Variants in SHANK2 observed in about 807,000 individuals in gnomAD.
SHANK2 encodes SH3 and multiple ankyrin repeat domains 2, also known as SH3 and multiple ankyrin repeat domains protein 2.
Under a neutral mutation model 133.7 loss-of-function variants are expected in SHANK2, and 43 were observed. The observed-to-expected ratio is 0.32, with a 90% CI of 0.25 to 0.41. The LOEUF is 0.41. SHANK2 is among the 10% of genes least tolerant of loss of function. The pLI is 1.00. For missense variants in SHANK2, 1,994 were observed against 2,235.8 expected, an observed-to-expected ratio of 0.89 and a Z score of 2.18; for synonymous variants, 1,017 against 952.8, an observed-to-expected ratio of 1.07 and a Z score of -1.24.
intron 14 of SHANK2, among the ~76,000 whole-genome samples, chr11:70,747,327 G>A (rs1946661666): frequency 6.6e-6 from 1 of 152,122 alleles, no homozygotes; most frequent in Non-Finnish European, 1.5e-5. Flanking sequence ...GCAGGGATGG[G>A]AGGGACCCGG....
chr11:70,586,498 C>T (rs1554986766), intron 17 of SHANK2, among the ~76,000 whole-genome samples: 1 of 152,132 alleles, frequency 6.6e-6, no homozygotes, highest in African/African-American at 2.4e-5. Flanking sequence ...GCTTGTCACT[C>T]AGAGCTGGGC....
chr11:70,531,001 A>C (rs562374934), intron 17 of SHANK2, among the ~76,000 whole-genome samples: 22 of 151,870 alleles, frequency 1.4e-4, no homozygotes, highest in Non-Finnish European at 2.9e-4. Flanking sequence ...CCCCATCTCT[A>C]CTAAAAATAC....
rs1051160312 is a variant in SHANK2, at chr11:71,109,563, C to T, written c.592+378G>A. On this transcript the variant is annotated intron_variant, in intron 6 of 25. Coordinates refer to ENST00000601538, the MANE Select transcript of SHANK2 (RefSeq NM_012309.5). ...GCAGATGCCCATCTGCTGGGCTGCC[C>T]GTGCCCAGCGGGAGGCAGAAACACA... 4.1e-4 allele frequency among the ~76,000 whole-genome samples: 62 copies of T among 152,318 alleles called. 1 individual carries two copies. The highest frequency in any genetic ancestry group is 1.5e-3 in the African/African-American group (61 of 41,584).
At chr11:71,071,080 A>C (rs928731857) in intron 9 of SHANK2, among the ~76,000 whole-genome samples, 1 of 152,222 alleles carries the variant, frequency 6.6e-6, no homozygotes, top group South Asian at 2.1e-4. Context: ...GTGACAAAAA[A>C]CAGACTTTTC....
At chr11:71,192,519 AG>A (rs1292925815) in intron 2 of SHANK2, among the ~76,000 whole-genome samples, 2 of 152,196 alleles carry the variant, frequency 1.3e-5, no homozygotes, top group Non-Finnish European at 2.9e-5. Flanking sequence ...TGACATTGGA[AG>A]GTCCCAGGCT....
At chr11:70,871,796 T>A (rs983904975) in intron 11 of SHANK2, among the ~76,000 whole-genome samples, 1 of 152,132 alleles carries the variant, frequency 6.6e-6, no homozygotes, top group Non-Finnish European at 1.5e-5. Flanking sequence ...ACAGTCCCCA[T>A]CTGAATTTGA....
chr11:70,802,899 G>A (rs1050987595), intron 13 of SHANK2, among the ~76,000 whole-genome samples: 25 of 152,188 alleles, frequency 1.6e-4, no homozygotes, highest in Non-Finnish European at 7.3e-5. Flanking sequence ...CCATGGCCAC[G>A]AACCCTCAGG....
intron 6 of SHANK2, 38 bp from the exon 7 acceptor site, chr11:71,094,726 T>C: frequency 6.5e-7 from 1 of 1,538,970 alleles, no homozygotes; most frequent in South Asian, 1.2e-5. Context: ...GAACCAACAT[T>C]TGTCACACTG....
In SHANK2 at chr11:70,776,043, A is replaced by T. The variant is rs143039406; in HGVS notation, c.1777+22400T>A. Among the ~76,000 whole-genome samples the T allele has an allele frequency of 5.9e-5, 9 of 152,386 alleles. No individual in the cohort carries two copies. In the East Asian group the frequency reaches 1.7e-3, roughly 29 times the overall value. On this transcript the variant is annotated intron_variant, in intron 14 of 25. Coordinates refer to ENST00000601538, the MANE Select transcript of SHANK2 (RefSeq NM_012309.5). The stretch of plus-strand genomic sequence containing the variant: ...TTGCCCCAGCTAGAAGGGGGCTCCC[A>T]GCCCTGGCTGACCAGACCCAGACTT...
chr11:70,715,838 G>C (rs1475596205), intron 14 of SHANK2, among the ~76,000 whole-genome samples: 1 of 152,174 alleles, frequency 6.6e-6, no homozygotes, highest in Non-Finnish European at 1.5e-5. Flanking sequence ...CCCTGGACCC[G>C]GCAGCCCAGG....
chr11:70,676,109 G>A (rs1462309523), intron 15 of SHANK2, among the ~76,000 whole-genome samples: 1 of 152,216 alleles, frequency 6.6e-6, no homozygotes, highest in African/African-American at 2.4e-5. Context: ...ACTTCCAAGA[G>A]GACCTTAATG....
chr11:70,760,002 A>G (rs1167238958), intron 14 of SHANK2, among the ~76,000 whole-genome samples: 1 of 152,244 alleles, frequency 6.6e-6, no homozygotes, highest in Non-Finnish European at 1.5e-5. Context: ...TCCAGCCTCC[A>G]GAACTATGAG....
intron 5 of SHANK2, among the ~76,000 whole-genome samples, chr11:71,110,730 A>G (rs1951879851): frequency 6.6e-6 from 1 of 152,192 alleles, no homozygotes; most frequent in South Asian, 2.1e-4. Flanking sequence ...CAGGGTGAGC[A>G]CAGTGTCTGG....
intron 6 of SHANK2, among the ~76,000 whole-genome samples, chr11:71,095,395 T>A (rs1951592198): frequency 6.6e-6 from 1 of 152,200 alleles, no homozygotes; most frequent in Admixed American, 6.5e-5. Flanking sequence ...CCACTCTTCA[T>A]CTTTCTAATA....
At chr11:70,759,801 T>C (rs1453250713) in intron 14 of SHANK2, among the ~76,000 whole-genome samples, 1 of 152,208 alleles carries the variant, frequency 6.6e-6, no homozygotes, top group African/African-American at 2.4e-5. Flanking sequence ...ATTAAAACCA[T>C]TGCAGCTCCA....
chr11:71,068,934 T>C (rs1951104867), intron 9 of SHANK2, among the ~76,000 whole-genome samples: 1 of 147,580 alleles, frequency 6.8e-6, no homozygotes, highest in Non-Finnish European at 1.5e-5. Flanking sequence ...ATCATCACCA[T>C]CACCATGGCC....
At chr11:70,933,000 A>G (rs543221396) in intron 10 of SHANK2, among the ~76,000 whole-genome samples, 1 of 152,294 alleles carries the variant, frequency 6.6e-6, no homozygotes, top group South Asian at 2.1e-4. Context: ...TGACCCAGTA[A>G]TTTCACTTCT....
chr11:70,546,417 C>A (rs1202331078), intron 17 of SHANK2, among the ~76,000 whole-genome samples: 6 of 152,142 alleles, frequency 3.9e-5, no homozygotes, highest in Admixed American at 3.9e-4. Flanking sequence ...CCCTAAGTAT[C>A]ATCTCATTAA....
intron 14 of SHANK2, among the ~76,000 whole-genome samples, chr11:70,764,100 A>ATCCATCCATCCATCCC (rs1457160322): frequency 9.8e-6 from 1 of 102,384 alleles, no homozygotes; most frequent in Non-Finnish European, 2.0e-5. Flanking sequence ...CCATCCATCC[A>ATCCATCCATCCATCCC]CCCACCCACC....
Sources: allele counts gnomAD v4.1 joint callset (sites outside exome capture counted in the v4.1 genomes callset), GRCh38; gene constraint gnomAD v4.1.1; transcripts MANE v1.5; gene names NCBI Gene and HGNC (gene_info 2026-07-23, HGNC 2026-07-21).